CNTFR: variants seen among roughly 807,000 people sequenced by gnomAD.
CNTFR encodes ciliary neurotrophic factor receptor subunit alpha.
A neutral mutation model predicts 40.4 loss-of-function variants in CNTFR; 12 were observed. The ratio of observed to expected loss-of-function variants is 0.30; its 90% CI spans 0.19 to 0.48. CNTFR has a LOEUF of 0.48. CNTFR is among the 20% of genes least tolerant of loss of function. The pLI is 0.99. For synonymous variants in CNTFR, 202 were observed against 209.6 expected (o/e 0.96, Z 0.31); for missense variants, 414 against 506.8 (o/e 0.82, Z 1.76).
At chr9:34,560,425 A>C (rs1231570893) in intron 4 of CNTFR, among the ~76,000 whole-genome samples, 1 of 152,112 alleles carries the variant, frequency 6.6e-6, no homozygotes, top group Non-Finnish European at 1.5e-5. Flanking sequence ...CAATCTCGAG[A>C]CTGTCTCTAT....
At chr9:34,564,483 A>G in intron 4 of CNTFR, 116 bp downstream of exon 4, 3 of 968,692 alleles carry the variant, frequency 3.1e-6, no homozygotes, top group Non-Finnish European at 4.7e-6. Flanking sequence ...GGCAAGGGTC[A>G]GGCTGCAGCT....
At chr9:34,590,627 C>CG (rs1437065632), upstream of CNTFR, among the ~76,000 whole-genome samples, 5 of 152,316 alleles carry the variant, frequency 3.3e-5, no homozygotes, top group Admixed American at 6.5e-5. Context: ...GACACACAGC[C>CG]GGGGGAGAAG....
At chr9:34,589,771 C>G, upstream of CNTFR, 1 of 150,930 alleles carries the variant, frequency 6.6e-6, no homozygotes, top group South Asian at 1.8e-4. This position sits in a 1 kb window ranked among gnomAD's most constrained non-coding sequence, Gnocchi z 4.4. Flanking sequence ...ATCCTCCTCC[C>G]TCCCTCGCGC....
At position 34,568,964 on chromosome 9, in the gene CNTFR, C is replaced by T. The variant is rs1026474283; in HGVS notation, c.18G>A (p.Pro6=). MAAPV[P]WACCAVLAAA... ...CGGCAAGCACAGCACAGCAGGCCCACGGGACAGGAGCAGCCATCTGTTGGG... is the reference window on the plus strand; with the variant it reads ...CGGCAAGCACAGCACAGCAGGCCCATGGGACAGGAGCAGCCATCTGTTGGG... Residue 6 remains proline (P), a synonymous_variant, in exon 3 of 10, where the codon CCG becomes CCA. Coordinates refer to ENST00000378980, the MANE Select transcript of CNTFR (RefSeq NM_147164.3). 1.9e-6 allele frequency: 3 copies of T among 1,596,324 alleles called. No individual in the cohort carries two copies. The highest frequency in any genetic ancestry group is 1.1e-5 in the South Asian group (1 of 88,244).
Position 34,552,067 on chromosome 9 carries a change from G to A in CNTFR, c.*4C>T, listed in dbSNP as rs536964418. The A allele has an allele frequency of 9.6e-5, 144 of 1,501,132 alleles. 1 individual carries two copies. Among genetic ancestry groups the A allele is most frequent in the East Asian group, 2.0e-4 (9 of 44,124 alleles). 93.0% of individuals were successfully genotyped at this position (1,501,132 alleles called of 1,614,324 possible). On this transcript the variant is annotated 3_prime_UTR_variant, in exon 10 of 10. Coordinates refer to ENST00000378980, the MANE Select transcript of CNTFR (RefSeq NM_147164.3). This position sits in a 1 kb window ranked among gnomAD's most constrained non-coding sequence, Gnocchi z 5.1. Reference sequence around the variant, plus strand: ...GCTCTGCATGTCCTCATGGGGTGCCGGGCTCTGTAGAGACAGGCAGGGGCC... The same window carrying A: ...GCTCTGCATGTCCTCATGGGGTGCCAGGCTCTGTAGAGACAGGCAGGGGCC...
intron 2 of CNTFR, among the ~76,000 whole-genome samples, chr9:34,572,772 C>G (rs1385084830): frequency 6.6e-6 from 1 of 152,216 alleles, no homozygotes; most frequent in Non-Finnish European, 1.5e-5. Flanking sequence ...TTGACAGTCA[C>G]CACGATGACA....
intron 7 of CNTFR, among the ~76,000 whole-genome samples, chr9:34,555,631 C>G (rs1825803183): frequency 1.3e-5 from 2 of 152,116 alleles, no homozygotes; most frequent in Non-Finnish European, 2.9e-5. Context: ...CGACTCACAG[C>G]CTCAAGCTGA....
chr9:34,562,217 A>G (rs1826104469), intron 4 of CNTFR, among the ~76,000 whole-genome samples: 1 of 152,078 alleles, frequency 6.6e-6, no homozygotes, highest in Admixed American at 6.5e-5. Flanking sequence ...TTTCCATGGC[A>G]CTCAGTAAAT....
chr9:34,566,516 C>T (rs1457024728), intron 3 of CNTFR, among the ~76,000 whole-genome samples: 1 of 152,144 alleles, frequency 6.6e-6, no homozygotes, highest in Non-Finnish European at 1.5e-5. Flanking sequence ...GCGCCCCCAA[C>T]AGTCCACCAG....
intron 1 of CNTFR, among the ~76,000 whole-genome samples, chr9:34,583,266 C>CA (rs1187028412): frequency 6.6e-6 from 1 of 152,212 alleles, no homozygotes; most frequent in East Asian, 1.9e-4. Context: ...TGCTTCCAAG[C>CA]AAAAAGTCGT....
intron 4 of CNTFR, among the ~76,000 whole-genome samples, chr9:34,563,425 C>G (rs1826151299): frequency 6.6e-6 from 1 of 152,260 alleles, no homozygotes; most frequent in African/African-American, 2.4e-5. Flanking sequence ...GGTGCACGTT[C>G]TGCATCTGCA....
chr9:34,552,680 C>A lies in CNTFR; in HGVS notation c.943G>T (p.Ala315Ser), dbSNP rs371488149. 3 of 1,612,920 alleles carry A rather than the reference C, an allele frequency of 1.9e-6. No homozygotes were observed. The African/African-American group carries it at 4.0e-5, about 22-fold the overall frequency. Residue 315 changes from alanine (A) to serine (S), a missense_variant, in exon 8 of 10, where the codon GCT becomes TCT. Physicochemically the swap from Ala to Ser is moderately conservative, Grantham distance 99. Transcript: ENST00000378980. This position sits in a 1 kb window ranked among gnomAD's most constrained non-coding sequence, Gnocchi z 5.1. The stretch of plus-strand genomic sequence containing the variant: ...GGGGCGGGAGCAAGCTCACCCGCAG[C>A]CTGGGCCTCCGTGGTGAGGTGTCGC... ...EPRHLTTEAQ[A>S]AETTTSTTSS...
intron 1 of CNTFR, chr9:34,582,976 G>C (rs1827379864): frequency 6.6e-6 from 1 of 152,242 alleles, no homozygotes; most frequent in Non-Finnish European, 1.5e-5. Flanking sequence ...GCGTATTGTG[G>C]GGGGAGCATG....
chr9:34,559,922 C>T (rs575389532), intron 4 of CNTFR, among the ~76,000 whole-genome samples: 4 of 152,234 alleles, frequency 2.6e-5, no homozygotes, highest in East Asian at 1.9e-4. Flanking sequence ...CCCCTCAGAC[C>T]GCGTCCCCTT....
Position 34,556,333 on chromosome 9 carries a change from C to A in CNTFR, c.690G>T (p.Ser230=), listed in dbSNP as rs368794442. The change falls in exon 7 of 10, where the codon TCG becomes TCT. Residue 230 remains serine, a synonymous_variant. Transcript: ENST00000378980. Reference sequence around the variant, plus strand: ...GAAAAGACTCAGGGTCAGGCCAGGTCGAGGGGGTCTGCCACGTCACCTCCA... The same window carrying A: ...GAAAAGACTCAGGGTCAGGCCAGGTAGAGGGGGTCTGCCACGTCACCTCCA... ...RRLEVTWQTP[S]TWPDPESFPL... The A allele has an allele frequency of 3.1e-6, 5 of 1,613,886 alleles. No individual in the cohort carries two copies. Among genetic ancestry groups the A allele is most frequent in the Non-Finnish European group, 4.2e-6 (5 of 1,179,992 alleles).
intron 2 of CNTFR, 108 bp from the exon 3 acceptor site, chr9:34,569,089 G>T: frequency 9.6e-7 from 1 of 1,044,160 alleles, no homozygotes; most frequent in Non-Finnish European, 1.4e-6. Flanking sequence ...CAGCCCTAGG[G>T]CCCTGGAGAG....
intron 3 of CNTFR, among the ~76,000 whole-genome samples, chr9:34,567,511 T>G (rs1233750368): frequency 6.6e-6 from 1 of 152,132 alleles, no homozygotes; most frequent in East Asian, 1.9e-4. Context: ...ACAGGGACAC[T>G]GTCTCACTTC....
chr9:34,590,759 A>C (rs968746789), upstream of CNTFR, among the ~76,000 whole-genome samples: 1 of 152,162 alleles, frequency 6.6e-6, no homozygotes, highest in Admixed American at 6.5e-5. Flanking sequence ...TGTTCACTGC[A>C]CTCGTCCCTG....
chr9:34,555,280 C>T (rs1201883714), intron 7 of CNTFR, among the ~76,000 whole-genome samples: 1 of 152,104 alleles, frequency 6.6e-6, no homozygotes, highest in African/African-American at 2.4e-5. Flanking sequence ...GACAGGCACC[C>T]AGGAATCGAA....
Sources: allele counts gnomAD v4.1 joint callset (sites outside exome capture counted in the v4.1 genomes callset), GRCh38; gene constraint gnomAD v4.1.1; non-coding constraint Gnocchi (gnomAD v3.1); transcripts MANE v1.5; gene names NCBI Gene and HGNC (gene_info 2026-07-23, HGNC 2026-07-21).